The following ZNF385D variants were observed in gnomAD, a reference collection of about 807,000 sequenced individuals.
ZNF385D encodes the protein zinc finger protein 659.
Under a neutral mutation model 35.8 loss-of-function variants are expected in ZNF385D, and 15 were observed. The observed-to-expected ratio is 0.42, with a 90% CI of 0.28 to 0.64. ZNF385D has a LOEUF of 0.64. ZNF385D is among the 30% of genes least tolerant of loss of function. The pLI is 0.23. For missense variants in ZNF385D, 474 were observed against 494.6 expected, an observed-to-expected ratio of 0.96 and a Z score of 0.39; for synonymous variants, 212 against 186.8, an observed-to-expected ratio of 1.13 and a Z score of -1.10.
chr3:21,941,231 G>A (rs1176965490), intron 3 of ZNF385D, among the ~76,000 whole-genome samples: 1 of 152,042 alleles, frequency 6.6e-6, no homozygotes, highest in Non-Finnish European at 1.5e-5. Flanking sequence ...CCTAGCTTAT[G>A]GAATTTATAT....
intron 2 of ZNF385D, among the ~76,000 whole-genome samples, chr3:21,620,175 G>A (rs1336763903): frequency 2.0e-5 from 3 of 152,168 alleles, no homozygotes; most frequent in Admixed American, 6.5e-5. Flanking sequence ...GTGTACACCA[G>A]AAATAGTCAG....
intron 3 of ZNF385D, among the ~76,000 whole-genome samples, chr3:22,042,119 T>C (rs1268376036): frequency 6.6e-6 from 1 of 152,130 alleles, no homozygotes; most frequent in African/African-American, 2.4e-5. Flanking sequence ...GGGACTAGAA[T>C]TGGCCTTATG....
chr3:22,210,421 G>T (rs1431562766), intron 2 of ZNF385D, among the ~76,000 whole-genome samples: 1 of 151,732 alleles, frequency 6.6e-6, no homozygotes. Flanking sequence ...TATTTAACAC[G>T]AATCAGCTTA....
At chr3:22,092,897 T>G (rs1225415562) in intron 3 of ZNF385D, among the ~76,000 whole-genome samples, 1 of 152,188 alleles carries the variant, frequency 6.6e-6, no homozygotes, top group Admixed American at 6.6e-5. Context: ...AGTTCTCTAT[T>G]ATTTATAACT....
chr3:21,549,046 A>G (rs2062479013), intron 3 of ZNF385D, among the ~76,000 whole-genome samples: 1 of 152,356 alleles, frequency 6.6e-6, no homozygotes, highest in East Asian at 1.9e-4. Context: ...GAGGTTATGA[A>G]TGTATCTACT....
chr3:21,875,348 A>G (rs1397544974), intron 3 of ZNF385D, among the ~76,000 whole-genome samples: 2 of 151,998 alleles, frequency 1.3e-5, no homozygotes, highest in Non-Finnish European at 2.9e-5. Context: ...AAATTAGATC[A>G]TAGCCTCCAT....
At chr3:21,897,682 G>A (rs1012627780) in intron 3 of ZNF385D, among the ~76,000 whole-genome samples, 10 of 152,060 alleles carry the variant, frequency 6.6e-5, no homozygotes, top group African/African-American at 2.2e-4. Context: ...TGGATGACAT[G>A]TTCAGAGAAG....
At chr3:21,910,952 T>C (rs1699933603) in intron 3 of ZNF385D, among the ~76,000 whole-genome samples, 1 of 151,960 alleles carries the variant, frequency 6.6e-6, no homozygotes, top group African/African-American at 2.4e-5. Context: ...CTGATGCTTT[T>C]TAATTAGATG....
intron 2 of ZNF385D, among the ~76,000 whole-genome samples, chr3:22,280,986 G>A (rs924779111): frequency 6.6e-6 from 1 of 151,676 alleles, no homozygotes; most frequent in Non-Finnish European, 1.5e-5. Flanking sequence ...GTTTTGTTTT[G>A]TTTTTCCAGT....
chr3:21,766,668 G>C (rs757409276), intron 3 of ZNF385D, among the ~76,000 whole-genome samples: 3 of 152,116 alleles, frequency 2.0e-5, no homozygotes, highest in African/African-American at 7.2e-5. Context: ...ATGGAGAATA[G>C]AGATAAATAA....
At chr3:21,972,292 T>C (rs1374525407) in intron 3 of ZNF385D, among the ~76,000 whole-genome samples, 1 of 151,742 alleles carries the variant, frequency 6.6e-6, no homozygotes, top group Non-Finnish European at 1.5e-5. Context: ...ATTTGGAAAG[T>C]AAACAAATAC....
At chr3:22,200,747 C>A (rs1041435928) in intron 2 of ZNF385D, among the ~76,000 whole-genome samples, 1 of 151,994 alleles carries the variant, frequency 6.6e-6, no homozygotes, top group African/African-American at 2.4e-5. Flanking sequence ...CCGGGGGGAC[C>A]GTCTATAGAC....
intron 2 of ZNF385D, among the ~76,000 whole-genome samples, chr3:21,628,336 G>A (rs1012619386): frequency 6.6e-5 from 10 of 152,122 alleles, no homozygotes; most frequent in African/African-American, 2.4e-4. Context: ...GGAAGGTTGT[G>A]TGGTTCTAGG....
At chr3:21,851,278 G>T (rs759895372) in intron 3 of ZNF385D, among the ~76,000 whole-genome samples, 31 of 152,082 alleles carry the variant, frequency 2.0e-4, no homozygotes, top group Non-Finnish European at 3.4e-4. Flanking sequence ...GCAACTACAG[G>T]CATACCTTGG....
At chr3:21,857,848 G>T (rs565775510) in intron 3 of ZNF385D, among the ~76,000 whole-genome samples, 30 of 151,850 alleles carry the variant, frequency 2.0e-4, no homozygotes, top group African/African-American at 7.0e-4. Flanking sequence ...ACGATCTGAG[G>T]GACAACTGGA....
chr3:21,741,488 G>A (rs958872803), intron 1 of ZNF385D, among the ~76,000 whole-genome samples: 1 of 152,162 alleles, frequency 6.6e-6, no homozygotes, highest in Non-Finnish European at 1.5e-5. Flanking sequence ...ATTGTGTGCT[G>A]CAAGGGAAAC....
intron 3 of ZNF385D, among the ~76,000 whole-genome samples, chr3:22,090,395 A>G (rs1264607705): frequency 1.3e-5 from 2 of 152,148 alleles, no homozygotes; most frequent in Non-Finnish European, 2.9e-5. Context: ...AACTGAAGCC[A>G]GTGACTTAAG....
At chr3:21,572,132 C>T (rs11713447) in intron 2 of ZNF385D, among the ~76,000 whole-genome samples, 23,101 of 152,092 alleles carry the variant, frequency 0.15, 1,777 homozygotes, top group Non-Finnish European at 0.17. Context: ...CATCCTGACT[C>T]AGCTCATTAA....
intron 3 of ZNF385D, among the ~76,000 whole-genome samples, chr3:21,563,951 G>A (rs1424150231): frequency 6.6e-6 from 1 of 152,030 alleles, no homozygotes. Context: ...GAAAAGGTGT[G>A]AATAACTCCC....
Sources: allele counts gnomAD v4.1 joint callset (sites outside exome capture counted in the v4.1 genomes callset), GRCh38; gene constraint gnomAD v4.1.1; transcripts MANE v1.5; gene names NCBI Gene and HGNC (gene_info 2026-07-23, HGNC 2026-07-21).